Variants in APBB2 observed in about 807,000 individuals in gnomAD.
APBB2 encodes the protein amyloid beta precursor protein binding family B member 2.
In APBB2, 38 loss-of-function variants were observed where a neutral mutation model predicts 82.5. The observed-to-expected ratio is 0.46, with a 90% CI of 0.36 to 0.60. The LOEUF (loss-of-function observed/expected upper bound fraction) is 0.60. Ranked by LOEUF, APBB2 falls within the 20% of genes least tolerant of loss-of-function variation. APBB2 has a pLI of 0.00. For missense variants in APBB2, 772 were observed against 972.3 expected (o/e 0.79, Z 2.74); for synonymous variants, 341 against 368.2 (o/e 0.93, Z 0.85).
intron 6 of APBB2, among the ~76,000 whole-genome samples, chr4:40,997,418 G>A (rs1204444173): frequency 9.9e-5 from 15 of 152,148 alleles, no homozygotes; most frequent in African/African-American, 2.4e-5. Context: ...CTTACAAAGG[G>A]CATTCCTTTT....
At chr4:40,953,911 T>A (rs1790894477) in intron 6 of APBB2, among the ~76,000 whole-genome samples, 1 of 152,118 alleles carries the variant, frequency 6.6e-6, no homozygotes, top group East Asian at 1.9e-4. Flanking sequence ...GGCCTGGAAG[T>A]CAAAGTGTAA....
chr4:40,929,674 A>G (rs1783590698), intron 10 of APBB2, among the ~76,000 whole-genome samples: 1 of 152,178 alleles, frequency 6.6e-6, no homozygotes, highest in African/African-American at 2.4e-5. Flanking sequence ...ACAAATGACA[A>G]AGCCTAGAGT....
chr4:40,938,545 C>T (rs1362686350), intron 7 of APBB2, among the ~76,000 whole-genome samples: 1 of 152,138 alleles, frequency 6.6e-6, no homozygotes, highest in Non-Finnish European at 1.5e-5. Flanking sequence ...TGGAAAAAGG[C>T]CAACAATGGA....
intron 2 of APBB2, among the ~76,000 whole-genome samples, chr4:41,139,653 A>C (rs1758535332): frequency 6.6e-6 from 1 of 152,196 alleles, no homozygotes; most frequent in South Asian, 2.1e-4. Flanking sequence ...TTGGTAAGTG[A>C]AAAAGCCAAT....
chr4:40,857,037 G>T, intron 12 of APBB2: 1 of 985,548 alleles, frequency 1.0e-6, no homozygotes, highest in Non-Finnish European at 1.2e-6. Context: ...TTTGCCTCCC[G>T]GTCCTTCCGA....
chr4:41,187,167 A>C (rs1280367428), intron 1 of APBB2, among the ~76,000 whole-genome samples: 1 of 152,208 alleles, frequency 6.6e-6, no homozygotes, highest in Non-Finnish European at 1.5e-5. Context: ...CAATGATACA[A>C]AATAAGATCT....
intron 12 of APBB2, among the ~76,000 whole-genome samples, chr4:40,848,730 C>A (rs757617943): frequency 1.8e-4 from 26 of 147,540 alleles, no homozygotes; most frequent in Non-Finnish European, 2.5e-4. Flanking sequence ...GCCGCAAACT[C>A]CCTGCCTCCA....
intron 1 of APBB2, among the ~76,000 whole-genome samples, chr4:41,148,794 C>T (rs1761467955): frequency 6.6e-6 from 1 of 152,100 alleles, no homozygotes; most frequent in Non-Finnish European, 1.5e-5. Flanking sequence ...AGCGAGCAAT[C>T]ACTATGTATC....
chr4:41,107,110 G>T (rs1166362195), intron 2 of APBB2, among the ~76,000 whole-genome samples: 3 of 152,104 alleles, frequency 2.0e-5, no homozygotes, highest in Admixed American at 6.5e-5. Context: ...AGGTGTTTGA[G>T]ATCAGCCTGG....
chr4:40,978,586 C>T (rs186499893), intron 6 of APBB2, among the ~76,000 whole-genome samples: 5 of 152,104 alleles, frequency 3.3e-5, no homozygotes, highest in East Asian at 1.9e-4. Flanking sequence ...GAAAAAAAAG[C>T]GTGGAAAATT....
chr4:40,913,802 G>A (rs1331898530), intron 10 of APBB2, among the ~76,000 whole-genome samples: 7 of 152,122 alleles, frequency 4.6e-5, no homozygotes, highest in Admixed American at 6.5e-5. Context: ...CATGGCTCCC[G>A]AGAACAGTGC....
intron 13 of APBB2, among the ~76,000 whole-genome samples, chr4:40,828,321 G>A (rs1750653297): frequency 6.6e-6 from 1 of 152,122 alleles, no homozygotes; most frequent in Non-Finnish European, 1.5e-5. Flanking sequence ...TGTGGGTTTA[G>A]GGACTGAAAG....
intron 1 of APBB2, among the ~76,000 whole-genome samples, chr4:41,188,421 G>A (rs1471980237): frequency 6.6e-6 from 1 of 152,128 alleles, no homozygotes; most frequent in Non-Finnish European, 1.5e-5. Flanking sequence ...ACTGGGAGGT[G>A]GGGTCTTTAA....
chr4:41,122,350 T>A (rs572363750), intron 2 of APBB2, among the ~76,000 whole-genome samples: 37 of 152,230 alleles, frequency 2.4e-4, no homozygotes, highest in Non-Finnish European at 4.9e-4. Flanking sequence ...TTTTTGAAAA[T>A]TTTTTATATA....
At chr4:40,870,709 A>ATG (rs200215186) in intron 12 of APBB2, among the ~76,000 whole-genome samples, 62 of 150,096 alleles carry the variant, frequency 4.1e-4, no homozygotes, top group African/African-American at 8.8e-4. Flanking sequence ...ATATACATAT[A>ATG]TGTGTGTGTG....
intron 1 of APBB2, among the ~76,000 whole-genome samples, chr4:41,160,181 G>A (rs575448988): frequency 6.6e-6 from 1 of 152,076 alleles, no homozygotes; most frequent in South Asian, 2.1e-4. Context: ...TGTAAGGAAC[G>A]GGTGCGGGGC....
At chr4:41,147,481 C>CTTTTT (rs558746840) in intron 1 of APBB2, among the ~76,000 whole-genome samples, 6 of 103,102 alleles carry the variant, frequency 5.8e-5, no homozygotes, top group Admixed American at 1.1e-4. Context: ...GTTTGGCCAG[C>CTTTTT]TTTTTTTTTT....
At chr4:41,053,743 G>A (rs1041078768) in intron 4 of APBB2, among the ~76,000 whole-genome samples, 3 of 152,088 alleles carry the variant, frequency 2.0e-5, no homozygotes, top group African/African-American at 4.8e-5. Flanking sequence ...ATATCTCCAC[G>A]GTACTTGCTA....
At chr4:40,964,859 A>G (rs897459208) in intron 6 of APBB2, among the ~76,000 whole-genome samples, 14 of 152,102 alleles carry the variant, frequency 9.2e-5, no homozygotes, top group Middle Eastern at 3.4e-3. Context: ...GGTGGCTCAC[A>G]CCTGTAATCT....
Sources: allele counts gnomAD v4.1 joint callset (sites outside exome capture counted in the v4.1 genomes callset), GRCh38; gene constraint gnomAD v4.1.1; transcripts MANE v1.5; gene names NCBI Gene and HGNC (gene_info 2026-07-23, HGNC 2026-07-21).